Variants in NHS observed in about 807,000 individuals in gnomAD.
NHS encodes the protein NHS actin remodeling regulator.
NHS carries 5 observed loss-of-function variants against 72.5 expected under a neutral mutation model. The ratio of observed to expected loss-of-function variants is 0.07; its 90% CI spans 0.04 to 0.14. NHS has a LOEUF of 0.14. Among genes scored for constraint, NHS ranks in the 10% least tolerant of loss-of-function variants. The pLI is 1.00. For synonymous variants in NHS, 464 were observed against 547.7 expected, an observed-to-expected ratio of 0.85 and a Z score of 2.13; for missense variants, 1,072 against 1,355.7, an observed-to-expected ratio of 0.79 and a Z score of 3.29.
chrX:17,439,131 G>T (rs1174211667), intron 1 of NHS, among the ~76,000 whole-genome samples: 1 of 60,478 alleles, frequency 1.7e-5, no homozygotes, highest in Admixed American at 2.5e-4. Context: ...GGGGGGTGGG[G>T]CATGTGCCCA....
intron 1 of NHS, among the ~76,000 whole-genome samples, chrX:17,409,817 G>A (rs1260336028): frequency 1.8e-5 from 2 of 112,124 alleles, no homozygotes; most frequent in Non-Finnish European, 3.8e-5. Context: ...TTACTAAGAA[G>A]GAGGAGAGCT....
intron 3 of NHS, among the ~76,000 whole-genome samples, chrX:17,715,510 T>C (rs1349911441): frequency 8.8e-6 from 1 of 112,998 alleles, no homozygotes; most frequent in African/African-American, 3.2e-5. Flanking sequence ...GTCTTTTTCA[T>C]ACATGACTTC....
intron 1 of NHS, among the ~76,000 whole-genome samples, chrX:17,431,446 GTAGGC>G: frequency 9.0e-6 from 1 of 111,583 alleles, no homozygotes; most frequent in East Asian, 2.8e-4. Context: ...GGCCCAAGTT[GTAGGC>G]TTGTGGTTGC....
At chrX:17,411,653 G>A (rs1305673513) in intron 1 of NHS, among the ~76,000 whole-genome samples, 1 of 111,223 alleles carries the variant, frequency 9.0e-6, no homozygotes, top group African/African-American at 3.3e-5. Context: ...TAATTAACAG[G>A]CTCTGTGTGA....
At position 17,687,888 on chromosome X, in the gene NHS, C is replaced by T. The variant is rs1445817297; in HGVS notation, c.712C>T (p.Arg238Cys). The change falls in exon 2 of 9, where the codon CGC (arginine) becomes TGC (cysteine). Residue 238 changes from arginine to cysteine, a missense_variant. Coordinates refer to ENST00000676302, the MANE Select transcript of NHS (RefSeq NM_001291867.2). ...RHARQSLQALRREHRSRSDRR... is the reference protein window; with the variant it reads ...RHARQSLQALCREHRSRSDRR... ...CGCCCGGCAGAGCCTGCAAGCCCTG[C>T]GCAGAGGTGACAGATCCTGGGCTTG... The T allele has an allele frequency of 2.5e-6, 3 of 1,210,832 alleles. No homozygotes were observed. Among genetic ancestry groups the T allele is most frequent in the Non-Finnish European group, 3.4e-6 (3 of 894,988 alleles).
intron 1 of NHS, among the ~76,000 whole-genome samples, chrX:17,543,440 G>A (rs748712098): frequency 1.1e-4 from 12 of 111,954 alleles, no homozygotes; most frequent in Non-Finnish European, 1.9e-4. Flanking sequence ...AGAGCTTGAA[G>A]GTTGATCCCA....
At chrX:17,404,525 G>T (rs754753726) in intron 1 of NHS, among the ~76,000 whole-genome samples, 25 of 111,418 alleles carry the variant, frequency 2.2e-4, no homozygotes, top group African/African-American at 8.1e-4. Context: ...ACAATTCCTA[G>T]TTCACATTCT....
chrX:17,691,713 C>T (rs753788314), intron 2 of NHS, among the ~76,000 whole-genome samples: 1 of 111,871 alleles, frequency 8.9e-6, no homozygotes, highest in South Asian at 3.7e-4. Flanking sequence ...AGTAAAGGCA[C>T]CCACCACAGC....
At chrX:17,613,390 G>T (rs2065720384) in intron 1 of NHS, among the ~76,000 whole-genome samples, 1 of 111,389 alleles carries the variant, frequency 9.0e-6, no homozygotes, top group African/African-American at 3.3e-5. Context: ...GATCCAAATG[G>T]CCATTCGTAC....
chrX:17,732,211 A>G lies in NHS; in HGVS notation c.4703A>G (p.Gln1568Arg). 9 of 1,211,875 alleles carry G rather than the reference A, an allele frequency of 7.4e-6. No individual in the cohort carries two copies. The highest frequency in any genetic ancestry group is 1.0e-5 in the Non-Finnish European group (9 of 895,538). ...QSTDDAHQGS[Q>R]GAEALSPLSP... is the part of the protein sequence containing the mutation. Reference sequence around the variant, plus strand: ...ACCGATGATGCCCATCAGGGGTCACAAGGGGCTGAGGCATTGTCCCCACTC... The same window carrying G: ...ACCGATGATGCCCATCAGGGGTCACGAGGGGCTGAGGCATTGTCCCCACTC... The change falls in exon 9 of 9, where the codon CAA (glutamine) becomes CGA (arginine). Residue 1568 changes from glutamine (Q) to arginine (R), a missense_variant. By Grantham distance (43) the Gln-to-Arg change is conservative (BLOSUM62 1). Coordinates refer to ENST00000676302, the MANE Select transcript of NHS (RefSeq NM_001291867.2).
chrX:17,593,517 G>A (rs572106834), intron 1 of NHS, among the ~76,000 whole-genome samples: 1 of 110,625 alleles, frequency 9.0e-6, no homozygotes, highest in East Asian at 2.9e-4. Context: ...GTCTCTTTCA[G>A]GCTGCAGCAA....
intron 1 of NHS, among the ~76,000 whole-genome samples, chrX:17,426,819 G>A (rs1329481551): frequency 8.9e-6 from 1 of 112,015 alleles, no homozygotes; most frequent in Admixed American, 9.5e-5. Context: ...ATCTGGGGGT[G>A]TCAAAGCACT....
At chrX:17,488,573 C>T (rs111441554) in intron 1 of NHS, among the ~76,000 whole-genome samples, 3,793 of 111,647 alleles carry the variant, frequency 0.034, 170 homozygotes, top group African/African-American at 0.12. Flanking sequence ...GGACTCTTCT[C>T]GGACTGAGGT....
intron 1 of NHS, among the ~76,000 whole-genome samples, chrX:17,474,322 C>T (rs775332839): frequency 3.6e-5 from 4 of 112,266 alleles, no homozygotes; most frequent in Non-Finnish European, 7.5e-5. Flanking sequence ...CCTGAGAGAG[C>T]TAGGTATTAA....
chrX:17,519,767 T>C (rs2065138653), intron 1 of NHS, among the ~76,000 whole-genome samples: 1 of 111,109 alleles, frequency 9.0e-6, no homozygotes, highest in African/African-American at 3.3e-5. Flanking sequence ...GGGACCACCA[T>C]CCTGAGGGAC....
At chrX:17,645,627 A>G (rs2065902589) in intron 1 of NHS, among the ~76,000 whole-genome samples, 1 of 111,411 alleles carries the variant, frequency 9.0e-6, no homozygotes, top group South Asian at 3.9e-4. Context: ...TTCTATCAGC[A>G]TCATCACTAG....
intron 3 of NHS, among the ~76,000 whole-genome samples, chrX:17,718,290 A>G (rs2066376668): frequency 1.1e-5 from 1 of 92,823 alleles, no homozygotes; most frequent in Non-Finnish European, 2.1e-5. Flanking sequence ...GCTCTTAACC[A>G]CTATTTATGC....
At chrX:17,377,257 C>T (rs1265416645) in intron 1 of NHS, among the ~76,000 whole-genome samples, 1 of 112,694 alleles carries the variant, frequency 8.9e-6, no homozygotes, top group Non-Finnish European at 1.9e-5. Flanking sequence ...TGTCCGTTGA[C>T]TTCGCTTTTA....
chrX:17,595,662 G>A (rs998912643), intron 1 of NHS, among the ~76,000 whole-genome samples: 3 of 112,287 alleles, frequency 2.7e-5, no homozygotes, highest in Admixed American at 9.4e-5. Flanking sequence ...ATTCCTAAGA[G>A]TAGGCCTTTC....
Sources: gnomAD v4.1 joint callset for allele counts (sites outside exome capture counted in the v4.1 genomes callset) on GRCh38, gnomAD v4.1.1 for gene constraint, MANE v1.5 for transcripts, NCBI Gene and HGNC (gene_info 2026-07-23, HGNC 2026-07-21) for gene names.